The following NEO1 variants were observed in gnomAD, a reference collection of about 807,000 sequenced individuals.
NEO1 encodes the protein neogenin 1.
A neutral mutation model predicts 159.7 loss-of-function variants in NEO1; 63 were observed. The observed-to-expected ratio is 0.39, with a 90% CI of 0.32 to 0.49. The LOEUF (loss-of-function observed/expected upper bound fraction) is 0.49, where lower values mean the gene tolerates loss of function less well. Ranked by LOEUF, NEO1 falls within the 20% of genes least tolerant of loss-of-function variation. The pLI, the probability that NEO1 is intolerant of heterozygous loss-of-function variation, is 0.85. For missense variants in NEO1, 1,615 were observed against 1,831.0 expected (o/e 0.88, Z 2.15); for synonymous variants, 633 against 662.0 (o/e 0.96, Z 0.67).
chr15:73,168,795 A>G (rs1031979046), intron 5 of NEO1, among the ~76,000 whole-genome samples: 2 of 152,098 alleles, frequency 1.3e-5, no homozygotes, highest in Admixed American at 6.5e-5. Flanking sequence ...GTCAGTACCA[A>G]TAGTACACTT....
chr15:73,289,769 C>G lies in NEO1; in HGVS notation c.3742+531C>G, dbSNP rs544868920. On this transcript the variant is annotated intron_variant, in intron 25 of 28. Coordinates refer to ENST00000261908, the MANE Select transcript of NEO1 (RefSeq NM_002499.4). ...ACCAGCCTGGGCAATGTAGTGGGAC[C>G]CCATCTCTACCAAAAAAAATAAAAT... Among the ~76,000 whole-genome samples, 6 of 151,878 alleles carry G rather than the reference C, an allele frequency of 4.0e-5. No individual in the cohort carries two copies. In the East Asian group the frequency reaches 1.2e-3, roughly 29 times the overall value.
At chr15:73,271,957 A>C (rs956789108) in intron 18 of NEO1, among the ~76,000 whole-genome samples, 4 of 152,118 alleles carry the variant, frequency 2.6e-5, no homozygotes, top group African/African-American at 9.7e-5. Context: ...GCCAACTATA[A>C]ATGAGAGAGA....
At chr15:73,243,960 A>G (rs1477496934) in intron 8 of NEO1, among the ~76,000 whole-genome samples, 1 of 152,154 alleles carries the variant, frequency 6.6e-6, no homozygotes, top group African/African-American at 2.4e-5. Flanking sequence ...TTTCTGTGAA[A>G]TATCATTAGG....
chr15:73,272,359 GTGCCCTTTATTT>G, intron 18 of NEO1, 84 bp from the exon 19 acceptor site: 2 of 785,416 alleles, frequency 2.5e-6, no homozygotes, highest in Middle Eastern at 5.1e-4. Context: ...TTTTTGCCTT[GTGCCCTTTATTT>G]TGCCTTACAA....
At chr15:73,097,275 A>G (rs537908526) in intron 1 of NEO1, among the ~76,000 whole-genome samples, 2 of 152,066 alleles carry the variant, frequency 1.3e-5, no homozygotes, top group East Asian at 3.9e-4. Context: ...AGAAATAAAG[A>G]CGATATTTTA....
intron 7 of NEO1, among the ~76,000 whole-genome samples, chr15:73,189,271 A>G (rs2036108893): frequency 6.6e-6 from 1 of 152,220 alleles, no homozygotes; most frequent in Non-Finnish European, 1.5e-5. Context: ...AGATCTGTGC[A>G]TATTCAAGTA....
chr15:73,273,986 C>G lies in NEO1; in HGVS notation c.3141C>G (p.Val1047=), dbSNP rs1247750105. 1.9e-6 allele frequency: 3 copies of G among 1,613,756 alleles called. No homozygotes were observed. In the African/African-American group the frequency reaches 4.0e-5, roughly 22 times the overall value. ...SKGMGPMSEA[V]QFRTPKADSS... ...GCATGGGACCCATGTCTGAAGCTGT[C>G]CAATTCAGAACACCTAAAGGTAATG... The change falls in exon 20 of 29, where the codon GTC becomes GTG. Residue 1047 remains valine (V), a synonymous_variant. Coordinates refer to ENST00000261908, the MANE Select transcript of NEO1 (RefSeq NM_002499.4).
chr15:73,089,541 A>T (rs2069560004), intron 1 of NEO1, among the ~76,000 whole-genome samples: 2 of 152,172 alleles, frequency 1.3e-5, no homozygotes, highest in Non-Finnish European at 2.9e-5. Context: ...AAAATAACAA[A>T]TGCGTTAAAA....
intron 2 of NEO1, among the ~76,000 whole-genome samples, chr15:73,118,277 T>G (rs2071436330): frequency 6.6e-6 from 1 of 152,096 alleles, no homozygotes; most frequent in Admixed American, 6.6e-5. Context: ...CAGTCCAGTC[T>G]CCACCCTGTC....
At chr15:73,281,588 C>T (rs1328579758) in intron 22 of NEO1, among the ~76,000 whole-genome samples, 1 of 152,106 alleles carries the variant, frequency 6.6e-6, no homozygotes, top group Non-Finnish European at 1.5e-5. Flanking sequence ...ACATTCCAGG[C>T]CATACTTTGA....
At chr15:73,194,279 T>C (rs1235554876) in intron 7 of NEO1, among the ~76,000 whole-genome samples, 1 of 152,154 alleles carries the variant, frequency 6.6e-6, no homozygotes, top group Admixed American at 6.6e-5. Context: ...TTTATGGCAA[T>C]GGAGAGAGAG....
chr15:73,212,446 C>T (rs973772545), intron 7 of NEO1, among the ~76,000 whole-genome samples: 2 of 152,174 alleles, frequency 1.3e-5, no homozygotes, highest in African/African-American at 4.8e-5. Flanking sequence ...AAATATCTCT[C>T]AGTTTTATCA....
intron 2 of NEO1, among the ~76,000 whole-genome samples, chr15:73,121,490 T>C (rs375934240): frequency 3.1e-4 from 47 of 152,314 alleles, no homozygotes; most frequent in African/African-American, 1.0e-3. Context: ...GTCTGTGCAG[T>C]GTTTCTCCAT....
intron 5 of NEO1, among the ~76,000 whole-genome samples, chr15:73,157,263 C>G (rs934063437): frequency 6.6e-6 from 1 of 152,216 alleles, no homozygotes; most frequent in Admixed American, 6.5e-5. Context: ...AGTCCAGACT[C>G]TTGCTTGAGT....
intron 13 of NEO1, among the ~76,000 whole-genome samples, chr15:73,257,247 C>T (rs2150974225): frequency 7.0e-6 from 1 of 142,356 alleles, no homozygotes; most frequent in South Asian, 2.2e-4. Flanking sequence ...ATATACTAGG[C>T]ATCATTCTTG....
chr15:73,292,466 C>T (rs1003008062), intron 25 of NEO1, among the ~76,000 whole-genome samples: 9 of 152,184 alleles, frequency 5.9e-5, no homozygotes, highest in African/African-American at 1.9e-4. Context: ...ATTTCTACAA[C>T]CACTCCAAGG....
chr15:73,237,752 A>G (rs990124981), intron 8 of NEO1, among the ~76,000 whole-genome samples: 1 of 152,242 alleles, frequency 6.6e-6, no homozygotes, highest in East Asian at 1.9e-4. Flanking sequence ...AGACATTCCT[A>G]CCAAACAGCA....
intron 5 of NEO1, among the ~76,000 whole-genome samples, chr15:73,160,684 A>G (rs2034109909): frequency 6.6e-6 from 1 of 152,196 alleles, no homozygotes; most frequent in Non-Finnish European, 1.5e-5. Context: ...GGATATTACA[A>G]AGTGTTAAAC....
At chr15:73,216,282 A>G (rs1309876641) in intron 7 of NEO1, among the ~76,000 whole-genome samples, 1 of 152,180 alleles carries the variant, frequency 6.6e-6, no homozygotes, top group East Asian at 1.9e-4. Context: ...TTATGGCTGC[A>G]TAGTATTCCA....
Sources: allele counts gnomAD v4.1 joint callset (sites outside exome capture counted in the v4.1 genomes callset), GRCh38; gene constraint gnomAD v4.1.1; transcripts MANE v1.5; gene names NCBI Gene and HGNC (gene_info 2026-07-23, HGNC 2026-07-21).